Variants in NBAS observed in about 807,000 individuals in gnomAD.
The protein encoded by NBAS is NBAS subunit of NRZ tethering complex.
NBAS carries 219 observed loss-of-function variants against 302.5 expected under a neutral mutation model. The ratio of observed to expected loss-of-function variants is 0.72; its 90% CI spans 0.65 to 0.81. The LOEUF (loss-of-function observed/expected upper bound fraction) is 0.81. NBAS is among the 30% of genes least tolerant of loss of function. The probability of loss-of-function intolerance (pLI) is 0.00; values close to 1 mark genes in which losing one functional copy is unlikely to be tolerated. For synonymous variants in NBAS, 1,118 were observed against 1,021.6 expected (o/e 1.09, Z -1.80); for missense variants, 2,932 against 2,841.6 (o/e 1.03, Z -0.72).
the NBAS span, among the ~76,000 whole-genome samples, chr2:14,820,164 G>A: frequency 6.6e-6 from 1 of 152,184 alleles, no homozygotes; most frequent in African/African-American, 2.4e-5. Flanking sequence ...ACTGCTGAGT[G>A]TGTACCCAAA....
At chr2:15,005,557 T>C in the NBAS span, among the ~76,000 whole-genome samples, 1 of 152,234 alleles carries the variant, frequency 6.6e-6, no homozygotes, top group Admixed American at 6.5e-5. Context: ...CCCAGGAATT[T>C]CTGACTCAAG....
At chr2:14,967,944 G>T in the NBAS span, among the ~76,000 whole-genome samples, 1 of 152,054 alleles carries the variant, frequency 6.6e-6, no homozygotes, top group African/African-American at 2.4e-5. Flanking sequence ...CCCTCCTTTG[G>T]CACTGGCAAG....
At chr2:15,556,748 G>A in intron 3 of NBAS, 35 bp downstream of exon 3, 1 of 1,531,498 alleles carries the variant, frequency 6.5e-7, no homozygotes, top group African/African-American at 1.4e-5. Context: ...TATATTTGAT[G>A]TTCATACTGT....
In NBAS at chr2:15,234,601, G is replaced by A. The variant is rs1558460650; in HGVS notation, c.6090C>T (p.Asp2030=). Residue 2030 remains aspartate, a synonymous_variant, in exon 46 of 52, where the codon GAC becomes GAT. Coordinates refer to ENST00000281513, the MANE Select transcript of NBAS (RefSeq NM_015909.4). ...QLLEVAVGPL[D]ISPKDIVQSA... is the part of the protein sequence containing the mutation. ...TCTGCACTATATCCTTGGGTGAGATGTCAAGAGGGCCAACTGCCACCTCTA... is the reference window on the plus strand; with the variant it reads ...TCTGCACTATATCCTTGGGTGAGATATCAAGAGGGCCAACTGCCACCTCTA... 2 of 1,614,128 alleles carry A rather than the reference G, an allele frequency of 1.2e-6. No homozygotes were observed. Among genetic ancestry groups the A allele is most frequent in the South Asian group, 1.1e-5 (1 of 91,078 alleles).
At chr2:14,906,794 A>G in the NBAS span, among the ~76,000 whole-genome samples, 1 of 152,182 alleles carries the variant, frequency 6.6e-6, no homozygotes, top group Non-Finnish European at 1.5e-5. Flanking sequence ...GAAAACCCCT[A>G]ATAAAAGCAC....
At chr2:15,518,043 C>T (rs1662483898) in intron 9 of NBAS, among the ~76,000 whole-genome samples, 1 of 151,390 alleles carries the variant, frequency 6.6e-6, no homozygotes, top group South Asian at 2.1e-4. Context: ...TTCTCTCTCC[C>T]TTTTTTTTAA....
chr2:15,518,129 G>GAA (rs5829507), intron 9 of NBAS, among the ~76,000 whole-genome samples: 4 of 134,200 alleles, frequency 3.0e-5, no homozygotes, highest in South Asian at 4.8e-4. Context: ...AAGTCTAGGG[G>GAA]AAAAAAAAAA....
chr2:15,494,463 T>C (rs1259274043), intron 11 of NBAS, among the ~76,000 whole-genome samples: 2 of 152,372 alleles, frequency 1.3e-5, no homozygotes, highest in East Asian at 1.9e-4. Flanking sequence ...GAAGATTGGA[T>C]TCTACCTGAA....
intron 40 of NBAS, 45 bp downstream of exon 40, chr2:15,308,171 G>T: frequency 1.2e-6 from 2 of 1,612,928 alleles, no homozygotes; most frequent in Non-Finnish European, 1.7e-6. Context: ...TTTTAGAAAA[G>T]GCTTAACTCT....
At chr2:15,427,199 G>A (rs547724357) in intron 22 of NBAS, among the ~76,000 whole-genome samples, 1 of 152,094 alleles carries the variant, frequency 6.6e-6, no homozygotes, top group Admixed American at 6.5e-5. Context: ...AAACAAAAAG[G>A]AAGAAGAGAC....
chr2:15,054,128 A>G, the NBAS span, among the ~76,000 whole-genome samples: 1 of 152,188 alleles, frequency 6.6e-6, no homozygotes, highest in African/African-American at 2.4e-5. Context: ...TACATTTGCT[A>G]ATTTCTCAAC....
At chr2:15,203,865 TG>T (rs35806443) in intron 48 of NBAS, among the ~76,000 whole-genome samples, 1 of 128,086 alleles carries the variant, frequency 7.8e-6, no homozygotes, top group East Asian at 3.7e-4. Flanking sequence ...TGTGTGTGTC[TG>T]TGTCTGTGTG....
the NBAS span, among the ~76,000 whole-genome samples, chr2:14,922,391 A>G: frequency 6.6e-6 from 1 of 152,208 alleles, no homozygotes. Flanking sequence ...AGAACAAAAT[A>G]TCACAGACTA....
At chr2:15,128,854 C>T in the NBAS span, among the ~76,000 whole-genome samples, 1,150 of 152,250 alleles carry the variant, frequency 7.6e-3, 14 homozygotes, top group Middle Eastern at 0.031. Flanking sequence ...GGTAACTGGC[C>T]GGGAGACAGT....
At chr2:15,006,688 A>G in the NBAS span, among the ~76,000 whole-genome samples, 5 of 152,222 alleles carry the variant, frequency 3.3e-5, no homozygotes, top group African/African-American at 9.6e-5. Flanking sequence ...TTCGTTTACA[A>G]TTAAAAATAC....
the NBAS span, among the ~76,000 whole-genome samples, chr2:14,900,000 A>T: frequency 6.6e-6 from 1 of 152,212 alleles, no homozygotes; most frequent in Non-Finnish European, 1.5e-5. Context: ...TAGATGCTCC[A>T]GGAGAGCAGT....
chr2:15,427,170 G>C (rs2148483542), intron 22 of NBAS, among the ~76,000 whole-genome samples: 1 of 152,088 alleles, frequency 6.6e-6, no homozygotes, highest in South Asian at 2.1e-4. Context: ...CAAACCTCTT[G>C]TCTCACATGA....
At chr2:14,909,496 A>G in the NBAS span, among the ~76,000 whole-genome samples, 39 of 152,158 alleles carry the variant, frequency 2.6e-4, 1 homozygote, top group African/African-American at 9.4e-4. Flanking sequence ...CTCCAGAAGC[A>G]GGTCTGTGAA....
chr2:15,121,005 C>T, the NBAS span, among the ~76,000 whole-genome samples: 1 of 152,120 alleles, frequency 6.6e-6, no homozygotes, highest in African/African-American at 2.4e-5. Context: ...TCTTTTTTGG[C>T]TTCAAGAACA....
Sources: gnomAD v4.1 joint callset for allele counts (sites outside exome capture counted in the v4.1 genomes callset) on GRCh38, gnomAD v4.1.1 for gene constraint, MANE v1.5 for transcripts, NCBI Gene and HGNC (gene_info 2026-07-23, HGNC 2026-07-21) for gene names.